Variants in SLIT3 observed in about 807,000 individuals in gnomAD.
SLIT3 encodes the protein slit homolog 3 protein.
A neutral mutation model predicts 184.0 loss-of-function variants in SLIT3; 68 were observed. That is an observed-to-expected ratio of 0.37 (90% CI 0.30 to 0.45). SLIT3 has a LOEUF of 0.45. Ranked by LOEUF, SLIT3 falls within the 20% of genes least tolerant of loss-of-function variation. The pLI is 1.00. For missense variants in SLIT3, 1,707 were observed against 2,026.0 expected, an observed-to-expected ratio of 0.84 and a Z score of 3.02; for synonymous variants, 831 against 828.6, an observed-to-expected ratio of 1.00 and a Z score of -0.05.
intron 12 of SLIT3, among the ~76,000 whole-genome samples, chr5:168,781,850 C>T (rs1228053605): frequency 6.6e-6 from 1 of 152,200 alleles, no homozygotes; most frequent in African/African-American, 2.4e-5. Context: ...GGTTCCAATC[C>T]TGGCTCCATC....
At chr5:169,161,528 C>T (rs1762476885) in intron 4 of SLIT3, among the ~76,000 whole-genome samples, 2 of 152,164 alleles carry the variant, frequency 1.3e-5, no homozygotes, top group African/African-American at 4.8e-5. Context: ...GCACCGTCCT[C>T]TTGAGCAATG....
chr5:168,899,009 T>C (rs1760778346), intron 4 of SLIT3, among the ~76,000 whole-genome samples: 1 of 147,468 alleles, frequency 6.8e-6, no homozygotes, highest in South Asian at 2.2e-4. Context: ...AAAAGTATTC[T>C]TAATCTCTTT....
intron 4 of SLIT3, among the ~76,000 whole-genome samples, chr5:168,906,134 C>T (rs539844729): frequency 6.6e-6 from 1 of 152,118 alleles, no homozygotes; most frequent in Admixed American, 6.5e-5. Flanking sequence ...CCCACCTTGC[C>T]CAATATTTTA....
intron 1 of SLIT3, among the ~76,000 whole-genome samples, chr5:169,254,082 C>A (rs866249689): frequency 2.0e-5 from 3 of 152,162 alleles, no homozygotes; most frequent in Non-Finnish European, 1.5e-5. Context: ...ATACCTCTAG[C>A]CCCCAACTCC....
At chr5:168,915,747 CAT>C (rs992486776) in intron 4 of SLIT3, among the ~76,000 whole-genome samples, 7 of 152,054 alleles carry the variant, frequency 4.6e-5, no homozygotes, top group African/African-American at 1.7e-4. Flanking sequence ...TCATCAGCTA[CAT>C]GTGTCCAGAG....
intron 25 of SLIT3, 87 bp downstream of exon 25, chr5:168,710,808 T>C: frequency 4.2e-6 from 5 of 1,188,040 alleles, no homozygotes; most frequent in Non-Finnish European, 4.4e-6. Flanking sequence ...AAGCCACATC[T>C]GTTGAGATAC....
intron 9 of SLIT3, among the ~76,000 whole-genome samples, chr5:168,799,858 G>A (rs971906786): frequency 2.0e-5 from 3 of 152,102 alleles, no homozygotes; most frequent in Admixed American, 6.5e-5. Context: ...ATAATGGTAC[G>A]AAGAGGTCAA....
intron 4 of SLIT3, among the ~76,000 whole-genome samples, chr5:169,004,280 C>T (rs571853764): frequency 6.7e-4 from 102 of 152,242 alleles, no homozygotes; most frequent in Admixed American, 1.2e-3. Context: ...CTGCTGGGTT[C>T]GGTTCTGCCA....
intron 4 of SLIT3, among the ~76,000 whole-genome samples, chr5:169,027,186 T>C (rs189880072): frequency 7.9e-5 from 12 of 152,236 alleles, no homozygotes; most frequent in African/African-American, 2.4e-4. Context: ...TTAGTAACAG[T>C]AGATGAGGTA....
intron 4 of SLIT3, among the ~76,000 whole-genome samples, chr5:168,914,246 G>C (rs1055981477): frequency 6.6e-6 from 1 of 152,278 alleles, no homozygotes; most frequent in East Asian, 1.9e-4. Context: ...TTGCCCAAGG[G>C]GGTCTCCGAA....
chr5:169,280,290 T>C (rs1377083810), intron 1 of SLIT3, among the ~76,000 whole-genome samples: 3 of 152,232 alleles, frequency 2.0e-5, no homozygotes, highest in African/African-American at 4.8e-5. Context: ...TCCCACTGAG[T>C]GCAGTATCCT....
At chr5:168,909,047 T>C (rs1286143549) in intron 4 of SLIT3, among the ~76,000 whole-genome samples, 1 of 152,194 alleles carries the variant, frequency 6.6e-6, no homozygotes, top group African/African-American at 2.4e-5. Flanking sequence ...TTTCTCCAAA[T>C]AGAACAACTC....
chr5:169,279,237 A>G (rs1766915695), intron 1 of SLIT3, among the ~76,000 whole-genome samples: 1 of 152,232 alleles, frequency 6.6e-6, no homozygotes. Context: ...AACCAAAAAC[A>G]AAGTGTGAGT....
intron 5 of SLIT3, among the ~76,000 whole-genome samples, chr5:168,851,322 C>CAAAAA (rs531233116): frequency 0.18 from 13,637 of 76,502 alleles, 947 homozygotes; most frequent in East Asian, 0.33. Context: ...GACTCCGTCT[C>CAAAAA]AAAAAAAAAA....
chr5:169,144,361 G>A (rs1761857809), intron 4 of SLIT3, among the ~76,000 whole-genome samples: 1 of 152,160 alleles, frequency 6.6e-6, no homozygotes, highest in South Asian at 2.1e-4. Context: ...CATGGCCCCT[G>A]CTTTACGTTC....
At chr5:168,996,954 C>A (rs1207776174) in intron 4 of SLIT3, among the ~76,000 whole-genome samples, 1 of 152,124 alleles carries the variant, frequency 6.6e-6, no homozygotes, top group African/African-American at 2.4e-5. Context: ...TCAGCTTCTG[C>A]AGGACCATCT....
At chr5:169,208,908 G>A (rs539111992) in intron 3 of SLIT3, among the ~76,000 whole-genome samples, 2 of 152,204 alleles carry the variant, frequency 1.3e-5, no homozygotes, top group Admixed American at 6.5e-5. Context: ...AAGAGTTAAT[G>A]TCTAAAACAC....
chr5:169,164,306 G>T (rs563084949), intron 4 of SLIT3, among the ~76,000 whole-genome samples: 1 of 152,196 alleles, frequency 6.6e-6, no homozygotes, highest in Non-Finnish European at 1.5e-5. Context: ...CTCGGAGAAA[G>T]CTTTCCTTCC....
intron 4 of SLIT3, among the ~76,000 whole-genome samples, chr5:169,130,038 A>G (rs549494672): frequency 2.0e-5 from 3 of 152,124 alleles, no homozygotes; most frequent in Non-Finnish European, 2.9e-5. Context: ...TAGTGGAGAC[A>G]GGATTTCACC....
Sources: gnomAD v4.1 joint callset for allele counts (sites outside exome capture counted in the v4.1 genomes callset) on GRCh38, gnomAD v4.1.1 for gene constraint, MANE v1.5 for transcripts, NCBI Gene and HGNC (gene_info 2026-07-23, HGNC 2026-07-21) for gene names.